CELF3: variants seen among roughly 807,000 people sequenced by gnomAD.
The protein encoded by CELF3 is CAG repeat domain.
A neutral mutation model predicts 59.6 loss-of-function variants in CELF3; 26 were observed. The observed-to-expected ratio is 0.44, with a 90% CI of 0.32 to 0.61. CELF3 has a LOEUF of 0.61. Ranked by LOEUF, CELF3 falls within the 20% of genes least tolerant of loss-of-function variation. CELF3 has a pLI of 0.06. For missense variants in CELF3, 387 were observed against 627.2 expected (o/e 0.62, Z 4.09); for synonymous variants, 245 against 250.7 (o/e 0.98, Z 0.22).
At position 151,707,299 on chromosome 1, in the gene CELF3, G is replaced by A. The variant is rs1672647040; in HGVS notation, c.773-5C>T. 5 of 1,568,660 alleles carry A rather than the reference G, an allele frequency of 3.2e-6. No individual in the cohort carries two copies. The East Asian group carries it at 1.2e-4, about 37-fold the overall frequency. ...TGGCAGGAGGGGTGCTGGTTCCTGG[G>A]GAGGAGAAAGCGACAGGGAGAGAGC... is the stretch of plus-strand genomic sequence containing the variant. On this transcript the variant is annotated splice_region_variant and splice_polypyrimidine_tract_variant and intron_variant, in intron 7 of 12. Coordinates refer to ENST00000290583, the MANE Select transcript of CELF3 (RefSeq NM_007185.7).
Position 151,709,924 on chromosome 1 carries a change from C to T in CELF3, c.229-133G>A. On this transcript the variant is annotated intron_variant, in intron 2 of 12. Coordinates refer to ENST00000290583, the MANE Select transcript of CELF3 (RefSeq NM_007185.7). This position sits in a 1 kb window ranked among gnomAD's most constrained non-coding sequence, Gnocchi z 4.9. Reference sequence around the variant, plus strand: ...TAAGTTTCTGATGGGAAGGAAGGGACAGGGCCTAATACTGTTCAGGATGAA... The same window carrying T: ...TAAGTTTCTGATGGGAAGGAAGGGATAGGGCCTAATACTGTTCAGGATGAA... The T allele has an allele frequency of 1.2e-6, 1 of 832,998 alleles. No individual in the cohort carries two copies. Among genetic ancestry groups the T allele is most frequent in the Non-Finnish European group, 2.1e-6 (1 of 474,128 alleles). 51.6% of individuals were successfully genotyped at this position (832,998 alleles called of 1,614,324 possible).
At chr1:151,711,902 G>C (rs919736048) in intron 2 of CELF3, 2 of 152,244 alleles carry the variant, frequency 1.3e-5, no homozygotes, top group Admixed American at 1.3e-4. Context: ...AGGCTCCCAG[G>C]CACAAAAATA....
At position 151,709,588 on chromosome 1, in the gene CELF3, C is replaced by A. The variant is rs1390613130; in HGVS notation, c.277+155G>T. On this transcript the variant is annotated intron_variant, in intron 3 of 12. Coordinates refer to ENST00000290583, the MANE Select transcript of CELF3 (RefSeq NM_007185.7). This position sits in a 1 kb window ranked among gnomAD's most constrained non-coding sequence, Gnocchi z 4.9. ...CCATCTGTACCCGCCCCAGATCTCACCCGCTCTGGCCACACTGACTCCTAT... is the reference window on the plus strand; with the variant it reads ...CCATCTGTACCCGCCCCAGATCTCAACCGCTCTGGCCACACTGACTCCTAT... 3.2e-6 allele frequency: 3 copies of A among 944,470 alleles called. No individual in the cohort carries two copies. Among genetic ancestry groups the A allele is most frequent in the Non-Finnish European group, 5.0e-6 (3 of 600,292 alleles). The allele number at this position is 944,470 out of a possible 1,614,324, so 58.5% of individuals were successfully genotyped here.
At position 151,701,656 on chromosome 1, in the gene CELF3, G is replaced by A. The variant is rs1672083713; in HGVS notation, c.*1803C>T. Among the ~76,000 whole-genome samples the A allele has an allele frequency of 6.6e-6, 1 of 151,908 alleles. No homozygotes were observed. Among genetic ancestry groups the A allele is most frequent in the Non-Finnish European group, 1.5e-5 (1 of 67,984 alleles). On this transcript the variant is annotated 3_prime_UTR_variant, in exon 13 of 13. Transcript: ENST00000290583. ...AGGCTGGGCGTGGTGGCTCATGCCT[G>A]TAATCTGAGCACTTCGGGAGGCCAA...
intron 2 of CELF3, chr1:151,714,366 GCTC>G (rs1436832067): frequency 1.6e-6 from 1 of 619,910 alleles, no homozygotes; most frequent in African/African-American, 1.8e-5. Context: ...GGCTGCATCT[GCTC>G]CTGGTAAAAG....
rs778453176 is a variant in CELF3 at position 151,700,753 on chromosome 1, G to T, written c.*2706C>A. Among the ~76,000 whole-genome samples the T allele has an allele frequency of 1.3e-5, 2 of 152,218 alleles. No individual in the cohort carries two copies. Among genetic ancestry groups the T allele is most frequent in the African/African-American group, 2.4e-5 (1 of 41,454 alleles). On this transcript the variant is annotated 3_prime_UTR_variant, in exon 13 of 13. Transcript: ENST00000290583. ...ATCTTAAATGATTTAATACCATTGA[G>T]TTTATGCGAAAGTACTAAAAACTCT...
chr1:151,714,328 C>T, intron 2 of CELF3: 2 of 605,668 alleles, frequency 3.3e-6, no homozygotes, highest in South Asian at 3.9e-5. Context: ...TAGTGTTGCC[C>T]CATGGGCAGC....
chr1:151,705,182 G>C lies in CELF3; in HGVS notation c.1271-14C>G. The stretch of plus-strand genomic sequence containing the variant: ...AACTCACAAAGCCTGGGGTGAGAGG[G>C]GCATAAGGCCCGGCCCAGCCCCACC... On this transcript the variant is annotated splice_polypyrimidine_tract_variant and intron_variant, in intron 11 of 12. Transcript: ENST00000290583. This position sits in a 1 kb window ranked among gnomAD's most constrained non-coding sequence, Gnocchi z 5.1. 1 of 1,609,050 alleles carries C rather than the reference G, an allele frequency of 6.2e-7. No individual in the cohort carries two copies. Among genetic ancestry groups the C allele is most frequent in the Non-Finnish European group, 8.5e-7 (1 of 1,176,566 alleles).
At chr1:151,706,761 C>T (rs1016377316) in intron 8 of CELF3, 27 bp from the exon 9 acceptor site, 21 of 1,514,666 alleles carry the variant, frequency 1.4e-5, no homozygotes, top group East Asian at 9.9e-5. Flanking sequence ...AGACTATGAG[C>T]GTGGACCTGG....
intron 12 of CELF3, among the ~76,000 whole-genome samples, chr1:151,703,816 A>G (rs572046005): frequency 1.3e-5 from 2 of 152,170 alleles, no homozygotes; most frequent in African/African-American, 4.8e-5. Flanking sequence ...AGAGACAGAC[A>G]CCTGGAAAAA....
At position 151,709,384 on chromosome 1, in the gene CELF3, GGCCTCCTGGCTGCCTTCCCA is replaced by G; in HGVS notation, c.278-56_278-37del. On this transcript the variant is annotated intron_variant, in intron 3 of 12. Coordinates refer to ENST00000290583, the MANE Select transcript of CELF3 (RefSeq NM_007185.7). The surrounding 1 kb of genome is among the most constrained non-coding windows in gnomAD (Gnocchi z 4.9). ...GGGCACAGGAGGAGGGCATGTTCAGGGCCTCCTGGCTGCCTTCCCAGCCCTTCTTCCGCCCTTCCCTGGAG... is the reference window on the plus strand; with the variant it reads ...GGGCACAGGAGGAGGGCATGTTCAGGGCCCTTCTTCCGCCCTTCCCTGGAG... 4 of 1,612,938 alleles carry G rather than the reference GGCCTCCTGGCTGCCTTCCCA, an allele frequency of 2.5e-6. No homozygotes were observed. Among genetic ancestry groups the G allele is most frequent in the Non-Finnish European group, 3.4e-6 (4 of 1,179,256 alleles).
rs373095851 is a variant in CELF3, at chr1:151,702,345, C to G, written c.*1114G>C. On this transcript the variant is annotated 3_prime_UTR_variant, in exon 13 of 13. Transcript: ENST00000290583. ...AACCTCATTCTCTACCTCCCTCCCC[C>G]TTCCCAGTGTGGGTAGGGAACAATC... 5.9e-5 allele frequency: 9 copies of G among 152,206 alleles called. No individual in the cohort carries two copies. Among genetic ancestry groups the G allele is most frequent in the Non-Finnish European group, 8.8e-5 (6 of 68,046 alleles). 9.4% of individuals were successfully genotyped at this position (152,206 alleles called of 1,614,324 possible).
chr1:151,708,568 C>G (rs1672758851), intron 5 of CELF3, among the ~76,000 whole-genome samples: 1 of 152,228 alleles, frequency 6.6e-6, no homozygotes. Flanking sequence ...CCTTCTGAGT[C>G]AGCCAGTTCC....
Position 151,714,580 on chromosome 1 carries a change from A to G in CELF3, c.228+14T>C. 6.5e-7 allele frequency: 1 copy of G among 1,549,538 alleles called. No homozygotes were observed. The highest frequency in any genetic ancestry group is 8.7e-7 in the Non-Finnish European group (1 of 1,144,708). ...CCTTCTCAGTCCCCTGGCCCTGCAAAGGGCAGGACTCACCCCTGGAAGCGT... is the reference window on the plus strand; with the variant it reads ...CCTTCTCAGTCCCCTGGCCCTGCAAGGGGCAGGACTCACCCCTGGAAGCGT... On this transcript the variant is annotated intron_variant, in intron 2 of 12. Coordinates refer to ENST00000290583, the MANE Select transcript of CELF3 (RefSeq NM_007185.7).
chr1:151,710,538 G>A, intron 2 of CELF3: 1 of 396,634 alleles, frequency 2.5e-6, no homozygotes, highest in Non-Finnish European at 5.1e-6. Flanking sequence ...GTGGGGGAGG[G>A]GCCCAGAAAA....
intron 1 of CELF3, 43 bp downstream of exon 1, chr1:151,715,832 TC>T: frequency 6.3e-7 from 1 of 1,581,654 alleles, no homozygotes; most frequent in Non-Finnish European, 8.6e-7. Flanking sequence ...TCCCCCAGCC[TC>T]CCAGCCCACC....
At position 151,709,913 on chromosome 1, in the gene CELF3, G is replaced by A; in HGVS notation, c.229-122C>T. 2 of 897,354 alleles carry A rather than the reference G, an allele frequency of 2.2e-6. No homozygotes were observed. Among genetic ancestry groups the A allele is most frequent in the South Asian group, 2.6e-5 (2 of 76,378 alleles). The allele number at this position is 897,354 out of a possible 1,614,324, so 55.6% of individuals were successfully genotyped here. Reference sequence around the variant, plus strand: ...CCCAGGCCCTCTAAGTTTCTGATGGGAAGGAAGGGACAGGGCCTAATACTG... The same window carrying A: ...CCCAGGCCCTCTAAGTTTCTGATGGAAAGGAAGGGACAGGGCCTAATACTG... On this transcript the variant is annotated intron_variant, in intron 2 of 12. Transcript: ENST00000290583. The surrounding 1 kb of genome is among the most constrained non-coding windows in gnomAD (Gnocchi z 4.9).
chr1:151,710,530 G>A, intron 2 of CELF3: 1 of 389,930 alleles, frequency 2.6e-6, no homozygotes, highest in Non-Finnish European at 5.2e-6. Context: ...GCTGGGAGGT[G>A]GGGGAGGGGC....
intron 2 of CELF3, 56 bp downstream of exon 2, chr1:151,714,538 C>T (rs750785391): frequency 7.1e-5 from 95 of 1,341,082 alleles, no homozygotes; most frequent in Non-Finnish European, 9.3e-5. Context: ...TGGTGAGCCT[C>T]CTGCCACTTC....
Sources: gnomAD v4.1 joint callset for allele counts (sites outside exome capture counted in the v4.1 genomes callset) on GRCh38, gnomAD v4.1.1 for gene constraint, Gnocchi (gnomAD v3.1) non-coding constraint, MANE v1.5 for transcripts, NCBI Gene and HGNC (gene_info 2026-07-23, HGNC 2026-07-21) for gene names.